The following TMEM132D variants were observed in gnomAD, a reference collection of about 807,000 sequenced individuals.
TMEM132D encodes transmembrane protein 132D.
In TMEM132D, 21 loss-of-function variants were observed where a neutral mutation model predicts 62.3. The observed-to-expected ratio is 0.34, with a 90% CI of 0.24 to 0.49. The LOEUF is 0.49. Among genes scored for constraint, TMEM132D ranks in the 20% least tolerant of loss-of-function variants. The pLI is 0.99. For missense variants in TMEM132D, 1,346 were observed against 1,402.8 expected (o/e 0.96, Z 0.65); for synonymous variants, 621 against 575.6 (o/e 1.08, Z -1.13).
intron 4 of TMEM132D, among the ~76,000 whole-genome samples, chr12:129,241,538 CCT>C (rs1470054986): frequency 2.0e-5 from 3 of 152,238 alleles, no homozygotes; most frequent in Non-Finnish European, 4.4e-5. Flanking sequence ...CTCTCCCTCC[CCT>C]GTTATCCTGG....
At chr12:129,666,094 A>G (rs898834899) in intron 2 of TMEM132D, among the ~76,000 whole-genome samples, 2 of 152,118 alleles carry the variant, frequency 1.3e-5, no homozygotes, top group African/African-American at 4.8e-5. Flanking sequence ...CTCCCAAAGT[A>G]TTTCCCTCCT....
chr12:129,568,053 G>A (rs1000369803), intron 2 of TMEM132D, among the ~76,000 whole-genome samples: 7 of 152,206 alleles, frequency 4.6e-5, no homozygotes, highest in Non-Finnish European at 8.8e-5. Flanking sequence ...CTCCCATTCT[G>A]TTCACTCTGG....
At chr12:129,443,816 T>C (rs1873008952) in intron 3 of TMEM132D, among the ~76,000 whole-genome samples, 1 of 152,164 alleles carries the variant, frequency 6.6e-6, no homozygotes, top group Admixed American at 6.5e-5. Context: ...TCAATACACG[T>C]TTCACATTCT....
At chr12:129,542,676 C>CTA (rs1269489750) in intron 2 of TMEM132D, among the ~76,000 whole-genome samples, 2 of 152,016 alleles carry the variant, frequency 1.3e-5, no homozygotes, top group South Asian at 2.1e-4. Flanking sequence ...CACAGTTATA[C>CTA]TACATATATG....
At chr12:129,636,737 T>A (rs1843065) in intron 2 of TMEM132D, among the ~76,000 whole-genome samples, 22,037 of 113,552 alleles carry the variant, frequency 0.19, 2,201 homozygotes, top group African/African-American at 0.26. Flanking sequence ...TGTGTGTGTG[T>A]GAGAGAGAGA....
intron 4 of TMEM132D, among the ~76,000 whole-genome samples, chr12:129,256,473 T>A (rs1459293745): frequency 6.6e-6 from 1 of 151,970 alleles, no homozygotes; most frequent in Non-Finnish European, 1.5e-5. Flanking sequence ...CAGGCTGGAG[T>A]GCAGTGGCAC....
chr12:129,082,118 A>C (rs1874473423), intron 6 of TMEM132D, 86 bp from the exon 7 acceptor site: 1 of 1,488,520 alleles, frequency 6.7e-7, no homozygotes, highest in Non-Finnish European at 9.0e-7. Context: ...GGGGCTGCAG[A>C]GGTAGGTAGG....
At chr12:129,392,309 C>T (rs1202670517) in intron 3 of TMEM132D, among the ~76,000 whole-genome samples, 1 of 152,100 alleles carries the variant, frequency 6.6e-6, no homozygotes, top group Non-Finnish European at 1.5e-5. Flanking sequence ...CCGCCCACCT[C>T]AGCCTCCCAA....
intron 3 of TMEM132D, among the ~76,000 whole-genome samples, chr12:129,400,676 C>T (rs1263409661): frequency 6.6e-6 from 1 of 152,154 alleles, no homozygotes; most frequent in Non-Finnish European, 1.5e-5. Flanking sequence ...TTACTCAACA[C>T]CACCATTTTC....
chr12:129,598,704 G>T (rs948572041), intron 2 of TMEM132D, among the ~76,000 whole-genome samples: 1 of 152,182 alleles, frequency 6.6e-6, no homozygotes, highest in Non-Finnish European at 1.5e-5. Flanking sequence ...GCACGGAATA[G>T]TCACACCTCA....
chr12:129,298,920 C>T (rs767237034), intron 4 of TMEM132D, among the ~76,000 whole-genome samples: 3 of 152,176 alleles, frequency 2.0e-5, no homozygotes, highest in Admixed American at 6.5e-5. Flanking sequence ...CCTCTTAGCA[C>T]GAGACTTAAA....
chr12:129,598,175 A>C (rs1878390359), intron 2 of TMEM132D, among the ~76,000 whole-genome samples: 1 of 152,258 alleles, frequency 6.6e-6, no homozygotes. Flanking sequence ...TATAAAATTC[A>C]GAAGTGTTTT....
intron 1 of TMEM132D, among the ~76,000 whole-genome samples, chr12:129,798,442 A>G (rs1871629627): frequency 6.6e-6 from 1 of 151,974 alleles, no homozygotes; most frequent in Admixed American, 6.6e-5. Context: ...GCGCTAAGCT[A>G]ATGTAGTAGA....
At chr12:129,655,254 T>TC (rs1251161797) in intron 2 of TMEM132D, among the ~76,000 whole-genome samples, 1 of 149,418 alleles carries the variant, frequency 6.7e-6, no homozygotes, top group East Asian at 2.0e-4. Flanking sequence ...GCCTTTTTTT[T>TC]TTTTTCTTTT....
intron 4 of TMEM132D, among the ~76,000 whole-genome samples, chr12:129,282,632 T>G (rs1881188294): frequency 6.6e-6 from 1 of 152,166 alleles, no homozygotes; most frequent in African/African-American, 2.4e-5. Context: ...AAGTGTGAGT[T>G]TGGATTTTGG....
intron 2 of TMEM132D, among the ~76,000 whole-genome samples, chr12:129,562,604 CATA>C (rs1448665646): frequency 6.6e-6 from 1 of 152,128 alleles, no homozygotes; most frequent in Non-Finnish European, 1.5e-5. Flanking sequence ...CTCCTTGGAT[CATA>C]ATGTCTCTGA....
At position 129,594,607 on chromosome 12, in the gene TMEM132D, T is replaced by C. The variant is rs539425603; in HGVS notation, c.969-63402A>G. On this transcript the variant is annotated intron_variant, in intron 2 of 8. Transcript: ENST00000422113. ...AGAACACATGCATAGTCCAAAATGA[T>C]GGTAGCAAGCAGTCATACTTGGCAT... Among the ~76,000 whole-genome samples the C allele has an allele frequency of 1.8e-4, 27 of 152,318 alleles. No individual in the cohort carries two copies. The East Asian group carries it at 4.2e-3, about 24-fold the overall frequency.
At chr12:129,249,075 T>C (rs1880197663) in intron 4 of TMEM132D, among the ~76,000 whole-genome samples, 1 of 152,180 alleles carries the variant, frequency 6.6e-6, no homozygotes. Flanking sequence ...TTTCAGGTGA[T>C]GTCGGTGATC....
At chr12:129,661,978 G>T (rs1418666593) in intron 2 of TMEM132D, among the ~76,000 whole-genome samples, 3 of 152,118 alleles carry the variant, frequency 2.0e-5, no homozygotes, top group African/African-American at 7.2e-5. Context: ...ATTAAGCCTT[G>T]ATTATTTAAT....
Sources: gnomAD v4.1 joint callset for allele counts (sites outside exome capture counted in the v4.1 genomes callset) on GRCh38, gnomAD v4.1.1 for gene constraint, MANE v1.5 for transcripts, NCBI Gene and HGNC (gene_info 2026-07-23, HGNC 2026-07-21) for gene names.